The following SKA2 variants were observed in gnomAD, a reference collection of about 807,000 sequenced individuals.
SKA2 encodes spindle and kinetochore-associated protein 2.
Under a neutral mutation model 16.9 loss-of-function variants are expected in SKA2, and 13 were observed. That is an observed-to-expected ratio of 0.77 (90% confidence interval 0.50 to 1.22). SKA2 has a LOEUF of 1.22. SKA2 is among the 50% of genes most tolerant of loss of function. SKA2 has a pLI of 0.00. For missense variants in SKA2, 107 were observed against 139.7 expected, an observed-to-expected ratio of 0.77 and a Z score of 1.18; for synonymous variants, 47 against 48.5, an observed-to-expected ratio of 0.97 and a Z score of 0.13.
At chr17:59,131,210 A>G (rs1184126403) in intron 2 of SKA2, 71 bp downstream of exon 2, 5 of 962,984 alleles carry the variant, frequency 5.2e-6, no homozygotes, top group Middle Eastern at 3.1e-4. Flanking sequence ...ACTATTAGGA[A>G]TGCTATCAGA....
chr17:59,119,321 C>G lies in SKA2; in HGVS notation c.295G>C (p.Glu99Gln), dbSNP rs557971944. 3 of 1,613,764 alleles carry G rather than the reference C, an allele frequency of 1.9e-6. No individual in the cohort carries two copies. The East Asian group carries it at 6.7e-5, about 36-fold the overall frequency. The change falls in exon 3 of 4, where the codon GAG becomes CAG. Residue 99 changes from glutamate (E) to glutamine (Q), a missense_variant and splice_region_variant. Glu to Gln is a conservative substitution (Grantham distance 29, BLOSUM62 2). Coordinates refer to ENST00000330137, the MANE Select transcript of SKA2 (RefSeq NM_182620.4). Reference protein sequence around the residue: ...IQKLQKQTDLELSPLTKEEKT... With the variant: ...IQKLQKQTDLQLSPLTKEEKT... ...AACCTGTCAACTGAAAGCATTACCT[C>G]CAGGTCTGTTTGCTTCTGTAGTTTT...
chr17:59,141,894 A>G (rs111920234), intron 1 of SKA2, among the ~76,000 whole-genome samples: 3,203 of 152,184 alleles, frequency 0.021, 63 homozygotes, highest in Non-Finnish European at 0.036. Flanking sequence ...TCACACAGCA[A>G]TTCTGGAGGA....
chr17:59,112,398 CAGTTT>C, intron 3 of SKA2, 53 bp from the exon 4 acceptor site: 1 of 1,378,822 alleles, frequency 7.3e-7, no homozygotes, highest in Non-Finnish European at 1.0e-6. Context: ...AGACTTAAAT[CAGTTT>C]AGTTAACTTC....
At chr17:59,116,428 CT>C (rs929516990) in intron 3 of SKA2, among the ~76,000 whole-genome samples, 15 of 151,586 alleles carry the variant, frequency 9.9e-5, no homozygotes, top group South Asian at 8.4e-4. Context: ...TGTCTTTTGT[CT>C]TTTTTTTTCT....
In SKA2 at chr17:59,119,481, T is replaced by C; in HGVS notation, c.135A>G (p.Thr45=). The part of the protein sequence containing the change: ...PDSASEKNPV[T]LLKELSVIKS... ...TTATCACTGACAATTCCTTTAAGAG[T>C]GTAACTGGATTTTTCTATGTCAGGA... is the stretch of plus-strand genomic sequence containing the variant. Residue 45 remains threonine (T), a synonymous_variant, in exon 3 of 4, where the codon ACA becomes ACG. Transcript: ENST00000330137. 4 of 1,612,474 alleles carry C rather than the reference T, an allele frequency of 2.5e-6. No individual in the cohort carries two copies. In the South Asian group the frequency reaches 4.4e-5, roughly 18 times the overall value.
chr17:59,134,765 A>G (rs971031611), intron 1 of SKA2, among the ~76,000 whole-genome samples: 3 of 152,104 alleles, frequency 2.0e-5, no homozygotes, highest in African/African-American at 7.2e-5. Flanking sequence ...TCTAACGTAT[A>G]TGTCACAAAA....
rs2046260307 is a variant in SKA2, at chr17:59,110,925, C to A, written c.*1352G>T. On this transcript the variant is annotated 3_prime_UTR_variant, in exon 4 of 4. Coordinates refer to ENST00000330137, the MANE Select transcript of SKA2 (RefSeq NM_182620.4). Reference sequence around the variant, plus strand: ...TGTTAATGGACAAACATGTTCATAACTGAAATTTTAAAATTACATAAAAGT... The same window carrying A: ...TGTTAATGGACAAACATGTTCATAAATGAAATTTTAAAATTACATAAAAGT... 6.6e-6 allele frequency: 1 copy of A among 151,444 alleles called. No homozygotes were observed. Among genetic ancestry groups the A allele is most frequent in the Non-Finnish European group, 1.5e-5 (1 of 67,924 alleles). 9.4% of individuals were successfully genotyped at this position (151,444 alleles called of 1,614,324 possible). A position where few individuals can be genotyped will look rare whatever the true frequency, so the allele number is the denominator to read the frequency against.
chr17:59,142,294 T>G (rs1449620370), intron 1 of SKA2, among the ~76,000 whole-genome samples: 2 of 151,020 alleles, frequency 1.3e-5, no homozygotes, highest in Admixed American at 6.6e-5. Flanking sequence ...ATGGTGGGTT[T>G]TTTTTTTTTT....
intron 3 of SKA2, among the ~76,000 whole-genome samples, chr17:59,114,543 G>A (rs28687626): frequency 0.17 from 25,749 of 152,068 alleles, 2,521 homozygotes; most frequent in Non-Finnish European, 0.21. Flanking sequence ...GTAAAAATAC[G>A]CTATTATAAT....
intron 1 of SKA2, among the ~76,000 whole-genome samples, chr17:59,138,179 G>A (rs1016160193): frequency 6.6e-6 from 1 of 151,770 alleles, no homozygotes; most frequent in African/African-American, 2.4e-5. Context: ...TCTGAAAAGT[G>A]GTATATAAAA....
intron 2 of SKA2, among the ~76,000 whole-genome samples, chr17:59,130,231 C>A (rs2046402910): frequency 6.6e-6 from 1 of 151,332 alleles, no homozygotes; most frequent in African/African-American, 2.4e-5. Flanking sequence ...TACTTCTACC[C>A]AATCCAAAAA....
intron 1 of SKA2, among the ~76,000 whole-genome samples, chr17:59,145,717 G>A (rs1241771143): frequency 6.6e-6 from 1 of 152,066 alleles, no homozygotes; most frequent in Non-Finnish European, 1.5e-5. Flanking sequence ...GGCCAGGCAT[G>A]GTAGCTCAAG....
chr17:59,117,104 C>G (rs922894858), intron 3 of SKA2, among the ~76,000 whole-genome samples: 2 of 151,856 alleles, frequency 1.3e-5, no homozygotes, highest in African/African-American at 4.8e-5. Flanking sequence ...TGTGAGCCAC[C>G]GCACCCGGCC....
At chr17:59,143,886 A>G (rs1460553924) in intron 1 of SKA2, among the ~76,000 whole-genome samples, 1 of 151,918 alleles carries the variant, frequency 6.6e-6, no homozygotes, top group Non-Finnish European at 1.5e-5. Flanking sequence ...GTGTGGGCGC[A>G]GTGGCTCATG....
chr17:59,149,941 GA>G (rs1180934185), intron 1 of SKA2, among the ~76,000 whole-genome samples: 1 of 152,164 alleles, frequency 6.6e-6, no homozygotes, highest in Non-Finnish European at 1.5e-5. Context: ...GCCTGGTCTG[GA>G]ACTACTGGGC....
rs1381345148 is a variant in SKA2 at position 59,119,395 on chromosome 17, C to T, written c.221G>A (p.Ser74Asn). 1 of 1,613,970 alleles carries T rather than the reference C, an allele frequency of 6.2e-7. No individual in the cohort carries two copies. Among genetic ancestry groups the T allele is most frequent in the Non-Finnish European group, 8.5e-7 (1 of 1,179,872 alleles). The change falls in exon 3 of 4, where the codon AGT becomes AAT. Residue 74 changes from serine (S) to asparagine (N), a missense_variant. Coordinates refer to ENST00000330137, the MANE Select transcript of SKA2 (RefSeq NM_182620.4). ...CACAGTAGCACAAATGCGGCTCTTA[C>T]TCTCTTTCTGCTCAACAGCAACTGG... ...FKPVAVEQKE[S>N]KSRICATVKK...
chr17:59,154,826 G>A lies in SKA2; in HGVS notation c.33+305C>T. 3.2e-6 allele frequency: 3 copies of A among 927,416 alleles called. No homozygotes were observed. In the South Asian group the frequency reaches 4.7e-5, roughly 15 times the overall value. The allele number at this position is 927,416 out of a possible 1,614,324, so 57.4% of individuals were successfully genotyped here. A position where few individuals can be genotyped will look rare whatever the true frequency, so the allele number is the denominator to read the frequency against. On this transcript the variant is annotated intron_variant, in intron 1 of 3. Transcript: ENST00000330137. ...ATCTTTTTTGGTACAAACACAGAAT[G>A]CGGTCTGCACCCGGCGCAGTTTCGT...
chr17:59,151,411 A>C (rs1287846988), intron 1 of SKA2, among the ~76,000 whole-genome samples: 1 of 152,232 alleles, frequency 6.6e-6, no homozygotes, highest in Non-Finnish European at 1.5e-5. Flanking sequence ...CTAATATACA[A>C]ATTAACATTC....
chr17:59,123,035 A>AAAAAG (rs1555711124), intron 2 of SKA2, among the ~76,000 whole-genome samples: 74 of 150,166 alleles, frequency 4.9e-4, no homozygotes, highest in African/African-American at 1.6e-3. Context: ...AAAAAAAAAA[A>AAAAAG]AAAAGAAAAG....
Sources: gnomAD v4.1 joint callset for allele counts (sites outside exome capture counted in the v4.1 genomes callset) on GRCh38, gnomAD v4.1.1 for gene constraint, MANE v1.5 for transcripts, NCBI Gene and HGNC (gene_info 2026-07-23, HGNC 2026-07-21) for gene names.